Variants in ZNF710 observed in about 807,000 individuals in gnomAD.
ZNF710 encodes zinc finger protein 710.
A neutral mutation model predicts 50.6 loss-of-function variants in ZNF710; 13 were observed. The observed-to-expected ratio is 0.26, with a 90% CI of 0.17 to 0.41. The LOEUF (loss-of-function observed/expected upper bound fraction) is 0.41. ZNF710 is among the 10% of genes least tolerant of loss of function. The probability of loss-of-function intolerance (pLI) is 1.00; values close to 1 mark genes in which losing one functional copy is unlikely to be tolerated. For missense variants in ZNF710, 721 were observed against 936.6 expected, an observed-to-expected ratio of 0.77 and a Z score of 3.01; for synonymous variants, 383 against 397.0, an observed-to-expected ratio of 0.96 and a Z score of 0.42.
intron 1 of ZNF710, among the ~76,000 whole-genome samples, chr15:90,022,962 T>TC (rs879681291): frequency 6.6e-5 from 10 of 152,304 alleles, no homozygotes; most frequent in Non-Finnish European, 1.3e-4. Flanking sequence ...GGTAGGGTTT[T>TC]CCCCAGTCCT....
intron 2 of ZNF710, among the ~76,000 whole-genome samples, chr15:90,069,873 C>T (rs1302196002): frequency 1.3e-5 from 2 of 152,292 alleles, no homozygotes; most frequent in East Asian, 1.9e-4. Context: ...AATATCACCT[C>T]CTCTGAGAGG....
At chr15:90,076,847 C>T (rs1203843390) in intron 4 of ZNF710, among the ~76,000 whole-genome samples, 1 of 152,102 alleles carries the variant, frequency 6.6e-6, no homozygotes, top group Non-Finnish European at 1.5e-5. Context: ...AAAGACTGTC[C>T]CTGTACACCT....
chr15:90,079,746 T>A lies in ZNF710; in HGVS notation c.1912T>A (p.Tyr638Asn), dbSNP rs1247819874. The A allele has an allele frequency of 2.5e-6, 4 of 1,613,580 alleles. No homozygotes were observed. Among genetic ancestry groups the A allele is most frequent in the Non-Finnish European group, 3.4e-6 (4 of 1,179,830 alleles). Reference protein sequence around the residue: ...MEDFEENAYSYASVDSSAEAS... With the variant: ...MEDFEENAYSNASVDSSAEAS... ...GGACTTCGAGGAGAACGCCTACAGC[T>A]ATGCGAGCGTGGACAGCAGCGCCGA... The change falls in exon 5 of 5, where the codon TAT (tyrosine) becomes AAT (asparagine). Residue 638 changes from tyrosine to asparagine, a missense_variant. Physicochemically the swap from Tyr to Asn is moderately radical, Grantham distance 143. Transcript: ENST00000268154.
chr15:89,999,668 G>C (rs954433324), upstream of ZNF710, among the ~76,000 whole-genome samples: 5 of 152,084 alleles, frequency 3.3e-5, no homozygotes, highest in Admixed American at 6.6e-5. Flanking sequence ...GTTTAGGGTG[G>C]GGCGAGGGGC....
rs557607961 is a variant in ZNF710, at chr15:90,079,661, C to T, written c.1827C>T (p.Asp609=). Residue 609 remains aspartate (D), a splice_region_variant and synonymous_variant, in exon 5 of 5, where the codon GAC becomes GAT. Transcript: ENST00000268154. ...TCTGACTGTGCCCCTCTCTTACAGACCCCATGATGGAGCTGACAGGCACTG... is the reference window on the plus strand; with the variant it reads ...TCTGACTGTGCCCCTCTCTTACAGATCCCATGATGGAGCTGACAGGCACTG... ...GVMDIGLDSQ[D]PMMELTGTDP... 1.2e-6 allele frequency: 2 copies of T among 1,612,940 alleles called. No homozygotes were observed. Among genetic ancestry groups the T allele is most frequent in the South Asian group, 2.2e-5 (2 of 90,870 alleles).
chr15:90,003,093 C>T (rs1426201796), intron 1 of ZNF710, among the ~76,000 whole-genome samples: 1 of 152,168 alleles, frequency 6.6e-6, no homozygotes, highest in Non-Finnish European at 1.5e-5. Context: ...CCAGGCTGGT[C>T]TCAAACTCCT....
intron 1 of ZNF710, among the ~76,000 whole-genome samples, chr15:90,063,260 C>T (rs1057235520): frequency 6.6e-6 from 1 of 152,184 alleles, no homozygotes. Flanking sequence ...TGTGGGGCCA[C>T]ACGGGCCTGG....
Position 90,056,430 on chromosome 15 carries a change from C to A in ZNF710, c.-28-10680C>A, listed in dbSNP as rs182507312. ...ACTCCGTCTCAAAAAAAAAAGAGCT[C>A]CAGATTAGTCCTGACTGAGGGGTAG... On this transcript the variant is annotated intron_variant, in intron 1 of 4. Transcript: ENST00000268154. 5.4e-4 allele frequency among the ~76,000 whole-genome samples: 82 copies of A among 152,094 alleles called. 1 individual carries two copies. In the East Asian group the frequency reaches 0.014, roughly 25 times the overall value.
At position 90,062,993 on chromosome 15, in the gene ZNF710, G is replaced by A. The variant is rs1312676742; in HGVS notation, c.-28-4117G>A. On this transcript the variant is annotated intron_variant, in intron 1 of 4. Coordinates refer to ENST00000268154, the MANE Select transcript of ZNF710 (RefSeq NM_198526.4). The surrounding 1 kb of genome is among the most constrained non-coding windows in gnomAD (Gnocchi z 5.6). ...CCAGGCCAGTGTAAAAGAAAGCGTG[G>A]GGCCAACTGCCCAGGTGGGCAGTGG... Among the ~76,000 whole-genome samples, 1 of 152,090 alleles carries A rather than the reference G, an allele frequency of 6.6e-6. No individual in the cohort carries two copies. Among genetic ancestry groups the A allele is most frequent in the Non-Finnish European group, 1.5e-5 (1 of 68,008 alleles).
intron 1 of ZNF710, among the ~76,000 whole-genome samples, chr15:90,045,196 T>C (rs1252615216): frequency 6.6e-6 from 1 of 152,178 alleles, no homozygotes; most frequent in Admixed American, 6.5e-5. Flanking sequence ...GACTGTTGTC[T>C]TCATCTCTCT....
chr15:90,068,478 C>A lies in ZNF710; in HGVS notation c.1341C>A (p.Arg447=), dbSNP rs1197404737. Residue 447 remains arginine, a synonymous_variant, in exon 2 of 5, where the codon CGC becomes CGA. Coordinates refer to ENST00000268154, the MANE Select transcript of ZNF710 (RefSeq NM_198526.4). The surrounding 1 kb of genome is among the most constrained non-coding windows in gnomAD (Gnocchi z 5.0). Reference sequence around the variant, plus strand: ...AGTGTGACAAGTCCTTCCACTACCGCAGCCAGTTGCAGAACCACATGCTCA... The same window carrying A: ...AGTGTGACAAGTCCTTCCACTACCGAAGCCAGTTGCAGAACCACATGCTCA... ...CLECDKSFHY[R]SQLQNHMLKH... The A allele has an allele frequency of 6.2e-7, 1 of 1,614,100 alleles. No individual in the cohort carries two copies. The highest frequency in any genetic ancestry group is 1.7e-5 in the Admixed American group (1 of 60,036).
intron 1 of ZNF710, among the ~76,000 whole-genome samples, chr15:90,039,634 C>T (rs1899238273): frequency 6.6e-6 from 1 of 152,200 alleles, no homozygotes; most frequent in Admixed American, 6.5e-5. Flanking sequence ...GTGCTGAGCT[C>T]AGGTATGGAG....
intron 1 of ZNF710, among the ~76,000 whole-genome samples, chr15:90,005,376 G>C (rs1241527467): frequency 6.6e-6 from 1 of 152,226 alleles, no homozygotes; most frequent in African/African-American, 2.4e-5. Context: ...GCAGGAGGGG[G>C]CTGGGAAGAG....
intron 1 of ZNF710, among the ~76,000 whole-genome samples, chr15:90,044,673 C>A (rs958601393): frequency 8.5e-5 from 13 of 152,160 alleles, no homozygotes; most frequent in Non-Finnish European, 1.8e-4. Context: ...CCCTGTAGGC[C>A]TCTTTATTTT....
chr15:90,058,706 T>C (rs550209633), intron 1 of ZNF710, among the ~76,000 whole-genome samples: 1 of 145,070 alleles, frequency 6.9e-6, no homozygotes, highest in East Asian at 1.9e-4. Context: ...TATATTTATA[T>C]ATATATATAT....
At chr15:90,017,398 C>T (rs1898485276) in intron 1 of ZNF710, among the ~76,000 whole-genome samples, 1 of 152,150 alleles carries the variant, frequency 6.6e-6, no homozygotes, top group Non-Finnish European at 1.5e-5. Context: ...CAGGCTATAG[C>T]TTCACCAGGG....
intron 1 of ZNF710, among the ~76,000 whole-genome samples, chr15:90,042,177 G>C (rs1443641974): frequency 6.6e-6 from 1 of 152,116 alleles, no homozygotes; most frequent in South Asian, 2.1e-4. Context: ...GATTACAGGC[G>C]AGAGCCACCG....
intron 1 of ZNF710, among the ~76,000 whole-genome samples, chr15:90,058,693 C>T (rs1481284177): frequency 7.3e-6 from 1 of 136,452 alleles, no homozygotes; most frequent in Non-Finnish European, 1.5e-5. Flanking sequence ...GTAGGAGACA[C>T]TATATATTTA....
chr15:90,069,228 C>CAAAA (rs1231164801), intron 2 of ZNF710, among the ~76,000 whole-genome samples: 1 of 69,622 alleles, frequency 1.4e-5, no homozygotes, highest in African/African-American at 4.8e-5. Context: ...AACTCCATCT[C>CAAAA]AAAAAAAAAA....
Sources: gnomAD v4.1 joint callset for allele counts (sites outside exome capture counted in the v4.1 genomes callset) on GRCh38, gnomAD v4.1.1 for gene constraint, Gnocchi (gnomAD v3.1) non-coding constraint, MANE v1.5 for transcripts, NCBI Gene and HGNC (gene_info 2026-07-23, HGNC 2026-07-21) for gene names.